The following RUFY4 variants were observed in gnomAD, a reference collection of about 807,000 sequenced individuals.
The protein encoded by RUFY4 is RUN and FYVE domain containing 4.
RUFY4 carries 73 observed loss-of-function variants against 69.0 expected under a neutral mutation model. That is an observed-to-expected ratio of 1.06 (90% CI 0.88 to 1.29). The LOEUF (loss-of-function observed/expected upper bound fraction) is 1.29. Ranked by LOEUF, RUFY4 falls within the 50% of genes most tolerant of loss-of-function variation. The pLI, the probability that RUFY4 is intolerant of heterozygous loss-of-function variation, is 0.00. For synonymous variants in RUFY4, 287 were observed against 271.8 expected (o/e 1.06, Z -0.55); for missense variants, 770 against 705.6 (o/e 1.09, Z -1.03).
chr2:218,040,126 A>G (rs560806029), intron 2 of RUFY4, among the ~76,000 whole-genome samples: 28 of 152,326 alleles, frequency 1.8e-4, no homozygotes, highest in African/African-American at 6.7e-4. Flanking sequence ...AATTCAAGAA[A>G]AGGAAAAGAA....
chr2:218,045,412 G>A (rs1034589364), intron 2 of RUFY4, among the ~76,000 whole-genome samples: 1 of 151,916 alleles, frequency 6.6e-6, no homozygotes, highest in African/African-American at 2.4e-5. Context: ...CATCAGGTAG[G>A]AAGAAAAAGA....
chr2:218,072,302 A>G (rs1158709068), intron 2 of RUFY4, 72 bp from the exon 5 acceptor site: 5 of 1,506,608 alleles, frequency 3.3e-6, no homozygotes, highest in Non-Finnish European at 4.4e-6. Flanking sequence ...ATGTCCCCTC[A>G]GCAAGCTAGA....
chr2:218,062,858 CA>C (rs1559427526), intron 3 of RUFY4, among the ~76,000 whole-genome samples: 1 of 152,234 alleles, frequency 6.6e-6, no homozygotes, highest in Admixed American at 6.5e-5. Flanking sequence ...TGAGCAGACA[CA>C]GCCAGCCTGC....
intron 3 of RUFY4, chr2:218,060,244 C>T: frequency 8.3e-7 from 1 of 1,205,256 alleles, no homozygotes; most frequent in Non-Finnish European, 1.2e-6. Flanking sequence ...GCTGCACTGA[C>T]ACTGAGACCA....
chr2:218,080,977 A>G (rs1689748170), intron 8 of RUFY4, among the ~76,000 whole-genome samples: 1 of 152,222 alleles, frequency 6.6e-6, no homozygotes, highest in Non-Finnish European at 1.5e-5. Context: ...AATGAGGATT[A>G]TATTATCTGT....
chr2:218,087,151 A>T (rs1689912615), intron 9 of RUFY4, among the ~76,000 whole-genome samples: 1 of 152,158 alleles, frequency 6.6e-6, no homozygotes, highest in African/African-American at 2.4e-5. Context: ...ACAGAACATA[A>T]ATGCTACCAC....
rs565264550 is a variant in RUFY4, at chr2:218,041,770, C to A, written c.-1158+6376C>A. Among the ~76,000 whole-genome samples, 15 of 152,306 alleles carry A rather than the reference C, an allele frequency of 9.8e-5. No individual in the cohort carries two copies. In the East Asian group the frequency reaches 2.7e-3, roughly 27 times the overall value. ...GTTTCACTTATGTTTTCAAATCAAG[C>A]AAGCTTGAGGTAATTTGTAAGTCCT... is the stretch of plus-strand genomic sequence containing the variant. On this transcript the variant is annotated intron_variant and NMD_transcript_variant, in intron 2 of 13. Transcript: ENST00000457754.
At chr2:218,089,203 T>G (rs1381960271) in intron 9 of RUFY4, 49 bp from the exon 12 acceptor site, 1 of 1,466,514 alleles carries the variant, frequency 6.8e-7, no homozygotes, top group East Asian at 2.3e-5. Context: ...ATTTCTATCT[T>G]TTGATCTCTG....
rs968373510 is a variant in RUFY4, at chr2:218,070,543, G to A, written c.-63G>A. On this transcript the variant is annotated 5_prime_UTR_variant, in exon 1 of 11. Transcript: ENST00000344321. The stretch of plus-strand genomic sequence containing the variant: ...TGTAAGGAGAGAGCTGGGCAGTGAG[G>A]CCGAAAGTCCTTCCTGAGCTCACAG... 3.0e-5 allele frequency: 43 copies of A among 1,411,810 alleles called. No individual in the cohort carries two copies. The Admixed American group carries it at 4.1e-4, about 14-fold the overall frequency. 87.5% of individuals were successfully genotyped at this position (1,411,810 alleles called of 1,614,324 possible). A position where few individuals can be genotyped will look rare whatever the true frequency, so the allele number is the denominator to read the frequency against.
intron 2 of RUFY4, among the ~76,000 whole-genome samples, chr2:218,047,041 TAAAAAA>T (rs201363231): frequency 8.1e-6 from 1 of 123,234 alleles, no homozygotes; most frequent in African/African-American, 2.9e-5. Flanking sequence ...TCATTGTGGT[TAAAAAA>T]AAAAAAAAAA....
intron 2 of RUFY4, among the ~76,000 whole-genome samples, chr2:218,040,564 T>C (rs1959047267): frequency 1.3e-5 from 2 of 152,204 alleles, no homozygotes; most frequent in Admixed American, 1.3e-4. Flanking sequence ...TCCTGCCTTA[T>C]GACCATGTAC....
rs868063670 is a variant in RUFY4 at position 218,037,766 on chromosome 2, G to A, written c.-1158+2372G>A. 5.9e-5 allele frequency among the ~76,000 whole-genome samples: 9 copies of A among 152,176 alleles called. No individual in the cohort carries two copies. The South Asian group carries it at 6.2e-4, about 11-fold the overall frequency. On this transcript the variant is annotated intron_variant and NMD_transcript_variant, in intron 2 of 13. Transcript: ENST00000457754. ...AATATATCCTGTTATAAAGAGAACC[G>A]ATTCCTATAGAACAGAAGCAAATCA...
intron 10 of RUFY4, 73 bp downstream of exon 12, chr2:218,089,435 C>T: frequency 1.5e-6 from 2 of 1,307,770 alleles, no homozygotes; most frequent in African/African-American, 1.5e-5. Flanking sequence ...CCACCCACCC[C>T]AGGGAAGGGA....
At chr2:218,067,149 CAA>C (rs1262984023), upstream of RUFY4, among the ~76,000 whole-genome samples, 1 of 152,248 alleles carries the variant, frequency 6.6e-6, no homozygotes, top group Non-Finnish European at 1.5e-5. Flanking sequence ...TCCTTTCTCC[CAA>C]GTTAGTCGTG....
intron 8 of RUFY4, among the ~76,000 whole-genome samples, chr2:218,080,373 G>T (rs986757855): frequency 1.6e-4 from 25 of 152,328 alleles, no homozygotes; most frequent in African/African-American, 6.0e-4. Context: ...CCTGAAGGCG[G>T]CAGGCTTCAG....
intron 2 of RUFY4, among the ~76,000 whole-genome samples, chr2:218,045,285 A>G (rs1178178452): frequency 6.6e-6 from 1 of 152,232 alleles, no homozygotes; most frequent in Non-Finnish European, 1.5e-5. Context: ...ACAAGAAGTC[A>G]AGCAAAGAAC....
At chr2:218,073,791 G>T (rs769408470) in intron 5 of RUFY4, 25 bp from the exon 8 acceptor site, 9 of 1,613,336 alleles carry the variant, frequency 5.6e-6, no homozygotes, top group Middle Eastern at 1.7e-4. Context: ...GAGGCCCAGG[G>T]TCCCCCTGCC....
At chr2:218,060,987 T>TAAC (rs1404907000) in intron 3 of RUFY4, 1 of 789,132 alleles carries the variant, frequency 1.3e-6, no homozygotes, top group Admixed American at 1.7e-5. Context: ...AATGGCCAGG[T>TAAC]AACAGTCCAT....
rs560444053 is a variant in RUFY4, at chr2:218,054,374, GC to G, written c.-1157-4220del. On this transcript the variant is annotated intron_variant and NMD_transcript_variant, in intron 2 of 13. Transcript: ENST00000457754. ...GCTCGAGACCAGCCTGGCCAACATA[GC>G]AAAACCCCAACTCTACTGAAAATAC... Among the ~76,000 whole-genome samples, 6 of 152,160 alleles carry G rather than the reference GC, an allele frequency of 3.9e-5. No homozygotes were observed. In the South Asian group the frequency reaches 1.2e-3, roughly 32 times the overall value.
Sources: gnomAD v4.1 joint callset for allele counts (sites outside exome capture counted in the v4.1 genomes callset) on GRCh38, gnomAD v4.1.1 for gene constraint, MANE v1.5 for transcripts, NCBI Gene and HGNC (gene_info 2026-07-23, HGNC 2026-07-21) for gene names.